The following ARHGAP24 variants were observed in gnomAD, a reference collection of about 807,000 sequenced individuals.
The protein encoded by ARHGAP24 is Rho GTPase activating protein 24, also known as rho GTPase-activating protein 24.
ARHGAP24 carries 50 observed loss-of-function variants against 76.4 expected under a neutral mutation model. That is an observed-to-expected ratio of 0.65 (90% CI 0.52 to 0.83). The LOEUF (loss-of-function observed/expected upper bound fraction) is 0.83, where lower values mean the gene tolerates loss of function less well. Among genes scored for constraint, ARHGAP24 ranks in the 40% least tolerant of loss-of-function variants. ARHGAP24 has a pLI of 0.00. For synonymous variants in ARHGAP24, 345 were observed against 323.3 expected (o/e 1.07, Z -0.72); for missense variants, 930 against 914.2 (o/e 1.02, Z -0.22).
intron 5 of ARHGAP24, among the ~76,000 whole-genome samples, chr4:85,959,667 G>A (rs1303199411): frequency 1.3e-5 from 2 of 152,132 alleles, no homozygotes; most frequent in Non-Finnish European, 2.9e-5. Flanking sequence ...CGTGATTCGT[G>A]TACAAGCTTT....
At chr4:85,780,120 A>T (rs555732654) in intron 3 of ARHGAP24, among the ~76,000 whole-genome samples, 2 of 152,288 alleles carry the variant, frequency 1.3e-5, no homozygotes, top group East Asian at 1.9e-4. Context: ...CATGGTATAT[A>T]AGGCTATTAA....
At chr4:85,958,249 G>T (rs1184643918) in intron 5 of ARHGAP24, among the ~76,000 whole-genome samples, 2 of 152,134 alleles carry the variant, frequency 1.3e-5, no homozygotes, top group Non-Finnish European at 2.9e-5. Flanking sequence ...TCACAGGGTT[G>T]TTGTATTCAT....
chr4:85,884,357 G>T (rs1260725537), intron 3 of ARHGAP24, among the ~76,000 whole-genome samples: 1 of 152,172 alleles, frequency 6.6e-6, no homozygotes, highest in Non-Finnish European at 1.5e-5. Context: ...CAATGGGACA[G>T]TAAACCACTT....
At chr4:85,605,932 T>C (rs935367655) in intron 2 of ARHGAP24, among the ~76,000 whole-genome samples, 1 of 152,220 alleles carries the variant, frequency 6.6e-6, no homozygotes, top group African/African-American at 2.4e-5. Flanking sequence ...TTGTGATGAA[T>C]TCCTGCAAGA....
chr4:85,992,875 A>G (rs1372637305), intron 8 of ARHGAP24, among the ~76,000 whole-genome samples: 2 of 152,180 alleles, frequency 1.3e-5, no homozygotes, highest in Non-Finnish European at 2.9e-5. Context: ...ATCTAACTTT[A>G]TCTTTAAAAC....
chr4:85,997,307 T>C (rs1190152692), intron 9 of ARHGAP24, among the ~76,000 whole-genome samples: 1 of 147,884 alleles, frequency 6.8e-6, no homozygotes, highest in East Asian at 2.0e-4. Context: ...GGTAGGTAGA[T>C]GATAGATAGA....
chr4:85,796,986 TAC>T lies in ARHGAP24; in HGVS notation c.268+75017_268+75018del, dbSNP rs1317511317. 2.0e-5 allele frequency among the ~76,000 whole-genome samples: 3 copies of T among 152,190 alleles called. No individual in the cohort carries two copies. The South Asian group carries it at 6.2e-4, about 32-fold the overall frequency. On this transcript the variant is annotated intron_variant, in intron 3 of 9. Transcript: ENST00000395184. ...GAAGCTGGGCACTGAGGAAGGTGTG[TAC>T]ACTGGAGGGGCTGGGTGCTGGAGAA... is the stretch of plus-strand genomic sequence containing the variant.
intron 2 of ARHGAP24, among the ~76,000 whole-genome samples, chr4:85,580,126 G>T (rs1413524657): frequency 2.7e-5 from 4 of 150,700 alleles, no homozygotes; most frequent in African/African-American, 9.7e-5. Flanking sequence ...GTATGTGTTT[G>T]TGTGTGTGGT....
intron 2 of ARHGAP24, among the ~76,000 whole-genome samples, chr4:85,709,500 A>T (rs575333725): frequency 1.3e-5 from 2 of 152,032 alleles, no homozygotes; most frequent in Non-Finnish European, 2.9e-5. Context: ...GTATCTTGTT[A>T]AAAAAAACCT....
intron 3 of ARHGAP24, among the ~76,000 whole-genome samples, chr4:85,783,453 T>G (rs1727657504): frequency 6.6e-6 from 1 of 152,122 alleles, no homozygotes; most frequent in African/African-American, 2.4e-5. Flanking sequence ...GACTTGGAAA[T>G]TAGTGAGTCC....
intron 2 of ARHGAP24, among the ~76,000 whole-genome samples, chr4:85,666,068 G>T (rs1251028227): frequency 6.6e-6 from 1 of 152,174 alleles, no homozygotes; most frequent in Admixed American, 6.5e-5. Context: ...GGCCTGCCTT[G>T]CTAGATTGGG....
chr4:85,944,451 G>A (rs1737133632), intron 5 of ARHGAP24, among the ~76,000 whole-genome samples: 1 of 152,160 alleles, frequency 6.6e-6, no homozygotes, highest in African/African-American at 2.4e-5. Flanking sequence ...TAAGTTCCTT[G>A]TAGATTCTGG....
intron 2 of ARHGAP24, among the ~76,000 whole-genome samples, chr4:85,606,303 T>G (rs4693119): frequency 0.93 from 141,126 of 152,150 alleles, 65,484 homozygotes; most frequent in East Asian, 0.98. Context: ...CATGAGGTCA[T>G]GAGATCGAGA....
In ARHGAP24 at chr4:85,922,804, C is replaced by T. The variant is rs371678763; in HGVS notation, c.269-844C>T. Among the ~76,000 whole-genome samples the T allele has an allele frequency of 3.3e-5, 5 of 152,264 alleles. No homozygotes were observed. The East Asian group carries it at 9.6e-4, about 29-fold the overall frequency. On this transcript the variant is annotated intron_variant, in intron 3 of 9. Transcript: ENST00000395184. ...TGGGAAAATTAACTCACTGGGGAAA[C>T]TTAAATGCGCTATAAAAGACTTCTA...
chr4:85,682,616 G>T (rs1018271601), intron 2 of ARHGAP24, among the ~76,000 whole-genome samples: 1 of 152,168 alleles, frequency 6.6e-6, no homozygotes, highest in Non-Finnish European at 1.5e-5. Context: ...TCAAGTAATT[G>T]CCTCCAAGCA....
At chr4:85,796,168 T>G (rs1728331299) in intron 3 of ARHGAP24, among the ~76,000 whole-genome samples, 1 of 151,748 alleles carries the variant, frequency 6.6e-6, no homozygotes, top group Non-Finnish European at 1.5e-5. Context: ...GTATCAGAGT[T>G]GTGAAATTTA....
rs554469779 is a variant in ARHGAP24 at position 85,485,319 on chromosome 4, G to A, written c.-21+9760G>A. ...GCCGAGATCGCACCACCACACTTCA[G>A]CCTGGGTGACAGAGCAAGACTCCAT... On this transcript the variant is annotated intron_variant, in intron 1 of 9. Coordinates refer to ENST00000395184, the MANE Select transcript of ARHGAP24 (RefSeq NM_001025616.3). Among the ~76,000 whole-genome samples, 9 of 109,800 alleles carry A rather than the reference G, an allele frequency of 8.2e-5. No homozygotes were observed. The East Asian group carries it at 2.6e-3, about 32-fold the overall frequency. The allele number at this position is 109,800 out of a possible 152,430, so 72.0% of individuals were successfully genotyped here.
chr4:85,916,056 A>G (rs1028855625), intron 3 of ARHGAP24, among the ~76,000 whole-genome samples: 3 of 152,120 alleles, frequency 2.0e-5, no homozygotes, highest in African/African-American at 7.2e-5. Flanking sequence ...AATTGTTCCT[A>G]TTTCTCTACA....
At chr4:85,815,444 A>G (rs1578255430) in intron 3 of ARHGAP24, among the ~76,000 whole-genome samples, 1 of 152,222 alleles carries the variant, frequency 6.6e-6, no homozygotes, top group Non-Finnish European at 1.5e-5. Flanking sequence ...TTCTTCTGCT[A>G]GATACCCTAA....
Sources: gnomAD v4.1 joint callset for allele counts (sites outside exome capture counted in the v4.1 genomes callset) on GRCh38, gnomAD v4.1.1 for gene constraint, MANE v1.5 for transcripts, NCBI Gene and HGNC (gene_info 2026-07-23, HGNC 2026-07-21) for gene names.